CTC1: variants seen among roughly 807,000 people sequenced by gnomAD.
The protein encoded by CTC1 is CST telomere replication complex component 1, also known as CST complex subunit CTC1.
Under a neutral mutation model 136.3 loss-of-function variants are expected in CTC1, and 91 were observed. The ratio of observed to expected loss-of-function variants is 0.67; its 90% CI spans 0.56 to 0.79. CTC1 has a LOEUF of 0.79. Among genes scored for constraint, CTC1 ranks in the 30% least tolerant of loss-of-function variants. The pLI, the probability that CTC1 is intolerant of heterozygous loss-of-function variation, is 0.00. For missense variants in CTC1, 1,432 were observed against 1,498.1 expected (o/e 0.96, Z 0.73); for synonymous variants, 606 against 613.8 (o/e 0.99, Z 0.19).
chr17:8,247,401 C>T (rs1988834182), intron 1 of CTC1, among the ~76,000 whole-genome samples: 1 of 149,610 alleles, frequency 6.7e-6, no homozygotes, highest in Non-Finnish European at 1.5e-5. Flanking sequence ...CCTCCGTCTA[C>T]CCGGTTCAAG....
chr17:8,228,378 C>T (rs938369660), intron 22 of CTC1, 59 bp from the exon 23 acceptor site: 62 of 1,608,068 alleles, frequency 3.9e-5, no homozygotes, highest in African/African-American at 1.7e-4. Context: ...AGTTCCCACC[C>T]ACCATTCTCC....
intron 20 of CTC1, 98 bp downstream of exon 20, chr17:8,229,044 T>C (rs770453397): frequency 1.8e-5 from 27 of 1,487,752 alleles, no homozygotes; most frequent in Non-Finnish European, 2.5e-5. Flanking sequence ...TATTAAGCAA[T>C]TCTCATGAGC....
rs1228344704 is a variant in CTC1, at chr17:8,229,899, G to A, written c.3003C>T (p.Thr1001=). 6.8e-6 allele frequency: 11 copies of A among 1,613,620 alleles called. No homozygotes were observed. In the South Asian group the frequency reaches 8.8e-5, roughly 13 times the overall value. The change falls in exon 18 of 23, where the codon ACC becomes ACT. Residue 1001 remains threonine, a synonymous_variant. Coordinates refer to ENST00000651323, the MANE Select transcript of CTC1 (RefSeq NM_025099.6). Reference sequence around the variant, plus strand: ...GGGGTCTGGGCACTGACCTGATGGTGGTCTCAGGGGGAAAACTCAGGACCT... The same window carrying A: ...GGGGTCTGGGCACTGACCTGATGGTAGTCTCAGGGGGAAAACTCAGGACCT... ...YVQVLSFPPE[T]TISIPLPHIY...
Position 8,230,580 on chromosome 17 carries a change from G to T in CTC1, c.2741C>A (p.Ser914Tyr). 1 of 1,614,126 alleles carries T rather than the reference G, an allele frequency of 6.2e-7. No individual in the cohort carries two copies. Among genetic ancestry groups the T allele is most frequent in the East Asian group, 2.2e-5 (1 of 44,880 alleles). The change falls in exon 16 of 23, where the codon TCT becomes TAT. Residue 914 changes from serine to tyrosine, a missense_variant. By Grantham distance (144) the Ser-to-Tyr change is moderately radical. Coordinates refer to ENST00000651323, the MANE Select transcript of CTC1 (RefSeq NM_025099.6). Reference sequence around the variant, plus strand: ...GTCATTACCCAGTTTCATCCAGAGAGACGCCACAAGGGGTTCACATAGTGT... The same window carrying T: ...GTCATTACCCAGTTTCATCCAGAGATACGCCACAAGGGGTTCACATAGTGT... ...SRTLCEPLVA[S>Y]LWMKLGNTGA...
chr17:8,247,086 G>C (rs8076031), intron 1 of CTC1, among the ~76,000 whole-genome samples: 42,352 of 150,426 alleles, frequency 0.28, 6,204 homozygotes, highest in Admixed American at 0.42. Flanking sequence ...CTCCACTTCC[G>C]TGGTTCCCTG....
chr17:8,226,130 G>A lies in CTC1; in HGVS notation c.*2050C>T, dbSNP rs989481335. On this transcript the variant is annotated 3_prime_UTR_variant, in exon 23 of 23. Transcript: ENST00000651323. Reference sequence around the variant, plus strand: ...GGCAGCTTGACTCTGCAGGAAATGTGGGTGCTATGAGTGCAGAACAGAAAC... The same window carrying A: ...GGCAGCTTGACTCTGCAGGAAATGTAGGTGCTATGAGTGCAGAACAGAAAC... 53 of 152,316 alleles carry A rather than the reference G, an allele frequency of 3.5e-4. No homozygotes were observed. The highest frequency in any genetic ancestry group is 3.2e-3 in the Admixed American group (49 of 15,294). The allele number at this position is 152,316 out of a possible 1,614,324, so 9.4% of individuals were successfully genotyped here.
In CTC1 at chr17:8,231,475, C is replaced by A; in HGVS notation, c.2476-6G>T. The A allele has an allele frequency of 6.3e-7, 1 of 1,593,844 alleles. No individual in the cohort carries two copies. Among genetic ancestry groups the A allele is most frequent in the Non-Finnish European group, 8.6e-7 (1 of 1,167,858 alleles). ...TTTTCAAACAACATTGGTGTCTGCA[C>A]GGAAATGGGAAGACGACTGCCTGTG... On this transcript the variant is annotated splice_polypyrimidine_tract_variant and splice_region_variant and intron_variant, in intron 14 of 22. Coordinates refer to ENST00000651323, the MANE Select transcript of CTC1 (RefSeq NM_025099.6).
intron 2 of CTC1, among the ~76,000 whole-genome samples, chr17:8,242,564 A>ATG (rs1988360892): frequency 7.2e-6 from 1 of 139,554 alleles, no homozygotes; most frequent in African/African-American, 2.8e-5. Context: ...ATATATATAT[A>ATG]TATATATATA....
rs1987700928 is a variant in CTC1 at position 8,236,121 on chromosome 17, G to A, written c.1014C>T (p.Ser338=). 1 of 1,614,100 alleles carries A rather than the reference G, an allele frequency of 6.2e-7. No homozygotes were observed. Among genetic ancestry groups the A allele is most frequent in the African/African-American group, 1.3e-5 (1 of 74,936 alleles). The stretch of plus-strand genomic sequence containing the variant: ...CTGGATCCTTCTTGTCCTCCGAGTT[G>A]CTGGGCATGGGGAGTGGCTTGGGGT... ...EADPKPLPMP[S]NSEDKKDPES... is the part of the protein sequence containing the mutation. Residue 338 remains serine, a synonymous_variant, in exon 6 of 23, where the codon AGC becomes AGT. Coordinates refer to ENST00000651323, the MANE Select transcript of CTC1 (RefSeq NM_025099.6).
intron 1 of CTC1, among the ~76,000 whole-genome samples, chr17:8,246,316 T>A (rs913566526): frequency 2.0e-5 from 3 of 151,732 alleles, no homozygotes; most frequent in Admixed American, 1.3e-4. Flanking sequence ...AACCACTGCA[T>A]GGGTTTAACA....
At chr17:8,247,332 C>CA (rs1988823780) in intron 1 of CTC1, among the ~76,000 whole-genome samples, 1 of 91,128 alleles carries the variant, frequency 1.1e-5, no homozygotes, top group Non-Finnish European at 1.9e-5. Flanking sequence ...TTTTTTTTGA[C>CA]AGAGTCTCGC....
chr17:8,235,026 C>T, intron 8 of CTC1, 27 bp downstream of exon 8: 1 of 1,611,236 alleles, frequency 6.2e-7, no homozygotes, highest in Non-Finnish European at 8.5e-7. Context: ...CCACTGCCTC[C>T]CCGCCCTGGG....
intron 1 of CTC1, among the ~76,000 whole-genome samples, chr17:8,247,351 C>A (rs1275919027): frequency 7.1e-6 from 1 of 141,694 alleles, no homozygotes; most frequent in African/African-American, 2.7e-5. Context: ...GCTCTGTTGC[C>A]CAGGCTGGAG....
In CTC1 at chr17:8,233,345, TG is replaced by T. The variant is rs34772323; in HGVS notation, c.1819-314del. ...TGGGAGGCACGCAAAGAATTTAAGC[TG>T]GGGCGCAGTGGCTCACGCCTGTAAT... On this transcript the variant is annotated intron_variant, in intron 10 of 22. Coordinates refer to ENST00000651323, the MANE Select transcript of CTC1 (RefSeq NM_025099.6). The T allele has an allele frequency of 0.29, 75,118 of 256,160 alleles. 11,732 individuals are homozygous for T. The highest frequency in any genetic ancestry group is 0.44 in the Admixed American group (8,610 of 19,562). 15.9% of individuals were successfully genotyped at this position (256,160 alleles called of 1,614,324 possible). A position where few individuals can be genotyped will look rare whatever the true frequency, so the allele number is the denominator to read the frequency against.
In CTC1 at chr17:8,227,073, T is replaced by G. The variant is rs573286497; in HGVS notation, c.*1107A>C. 1 of 150,754 alleles carries G rather than the reference T, an allele frequency of 6.6e-6. No homozygotes were observed. The highest frequency in any genetic ancestry group is 2.5e-5 in the African/African-American group (1 of 39,940). 9.3% of individuals were successfully genotyped at this position (150,754 alleles called of 1,614,324 possible). On this transcript the variant is annotated 3_prime_UTR_variant, in exon 23 of 23. Transcript: ENST00000651323. ...AACTGAGCTAACCGGCCACTAACTT[T>G]CCGGGTCTACTTCAAATCTTAATAT...
Position 8,234,864 on chromosome 17 carries a change from C to T in CTC1, c.1502G>A (p.Ser501Asn), listed in dbSNP as rs776940926. ...FLQHSSPGSP[S>N]LGLQLLAPTL... The stretch of plus-strand genomic sequence containing the variant: ...AGGAGCCAGGAGTTGCAGTCCCAGG[C>T]TGGGGCTCCCAGGAGAGGAATGTTG... Residue 501 changes from serine to asparagine, a missense_variant, in exon 9 of 23, where the codon AGC (serine) becomes AAC (asparagine). Physicochemically the swap from Ser to Asn is conservative, Grantham distance 46. Transcript: ENST00000651323. 4 of 1,612,964 alleles carry T rather than the reference C, an allele frequency of 2.5e-6. No homozygotes were observed. In the East Asian group the frequency reaches 8.9e-5, roughly 36 times the overall value.
In CTC1 at chr17:8,232,440, C is replaced by T. The variant is rs534923467; in HGVS notation, c.1981G>A (p.Val661Ile). 2.5e-5 allele frequency: 41 copies of T among 1,614,130 alleles called. No homozygotes were observed. The East Asian group carries it at 5.3e-4, about 21-fold the overall frequency. The change falls in exon 12 of 23, where the codon GTA becomes ATA. Residue 661 changes from valine (V) to isoleucine (I), a missense_variant. Val to Ile is a conservative substitution (Grantham distance 29). Coordinates refer to ENST00000651323, the MANE Select transcript of CTC1 (RefSeq NM_025099.6). The part of the protein sequence containing the change: ...LVRAERFQLI[V>I]ERDVRSSFPS... ...AAGCTGCTTCTCACGTCCCTCTCTA[C>T]GATCAACTGAAACCTCTCTGCCCGC...
In CTC1 at chr17:8,231,823, G is replaced by A. The variant is rs779352197; in HGVS notation, c.2386-8C>T. 1 of 1,614,164 alleles carries A rather than the reference G, an allele frequency of 6.2e-7. No individual in the cohort carries two copies. The highest frequency in any genetic ancestry group is 2.2e-5 in the East Asian group (1 of 44,878). On this transcript the variant is annotated splice_polypyrimidine_tract_variant and splice_region_variant and intron_variant, in intron 13 of 22. Transcript: ENST00000651323. ...AAAGAAAATGAGGTGAACCTGGGAG[G>A]ATGGAGAGCAAAGTGCTGGGATCCT...
chr17:8,247,391 C>T (rs1415653583), intron 1 of CTC1, among the ~76,000 whole-genome samples: 1 of 148,834 alleles, frequency 6.7e-6, no homozygotes, highest in Non-Finnish European at 1.5e-5. Flanking sequence ...CTCACTGCAG[C>T]CTCCGTCTAC....
Sources: gnomAD v4.1 joint callset for allele counts (sites outside exome capture counted in the v4.1 genomes callset) on GRCh38, gnomAD v4.1.1 for gene constraint, MANE v1.5 for transcripts, NCBI Gene and HGNC (gene_info 2026-07-23, HGNC 2026-07-21) for gene names.